Variants in NETO1 observed in about 807,000 individuals in gnomAD.
NETO1 encodes the protein neuropilin and tolloid like 1.
NETO1 carries 26 observed loss-of-function variants against 61.3 expected under a neutral mutation model. That is an observed-to-expected ratio of 0.42 (90% CI 0.31 to 0.59). The LOEUF (loss-of-function observed/expected upper bound fraction) is 0.59, where lower values mean the gene tolerates loss of function less well. NETO1 is among the 20% of genes least tolerant of loss of function. NETO1 has a pLI of 0.12. For missense variants in NETO1, 531 were observed against 662.8 expected (o/e 0.80, Z 2.18); for synonymous variants, 225 against 225.8 (o/e 1.00, Z 0.03).
chr18:72,836,541 C>T (rs2145435762), intron 4 of NETO1, among the ~76,000 whole-genome samples: 1 of 152,208 alleles, frequency 6.6e-6, no homozygotes, highest in East Asian at 1.9e-4. Flanking sequence ...AGAACAAGTA[C>T]ATAATATTTA....
chr18:72,784,154 C>T (rs79649717), intron 6 of NETO1, among the ~76,000 whole-genome samples: 13,242 of 152,062 alleles, frequency 0.087, 725 homozygotes, highest in Middle Eastern at 0.19. Context: ...TACCCAAATT[C>T]GCTTTATGTC....
At chr18:72,865,540 G>A (rs745787032) in intron 1 of NETO1, 1 of 1,599,770 alleles carries the variant, frequency 6.3e-7, no homozygotes. Flanking sequence ...ACAGTACAGT[G>A]GGACTACAGG....
chr18:72,748,326 A>G (rs918298418), intron 10 of NETO1, 162 bp from the exon 11 acceptor site: 6 of 982,498 alleles, frequency 6.1e-6, no homozygotes, highest in African/African-American at 1.7e-5. Context: ...AGCAGATTCA[A>G]TTGGAGACAA....
chr18:72,859,831 A>C (rs867942717), intron 3 of NETO1, among the ~76,000 whole-genome samples: 1 of 152,174 alleles, frequency 6.6e-6, no homozygotes, highest in African/African-American at 2.4e-5. Context: ...CTTGCTTTAA[A>C]GAAGCCTCCT....
chr18:72,770,213 G>T (rs2071308743), intron 7 of NETO1, among the ~76,000 whole-genome samples: 1 of 151,586 alleles, frequency 6.6e-6, no homozygotes, highest in African/African-American at 2.4e-5. Flanking sequence ...GCACATTTTG[G>T]CCCCATTTTC....
At chr18:72,829,237 C>T (rs530408363) in intron 4 of NETO1, among the ~76,000 whole-genome samples, 2 of 152,134 alleles carry the variant, frequency 1.3e-5, no homozygotes, top group East Asian at 1.9e-4. Context: ...TCTAAATAAG[C>T]GAATAATCAT....
chr18:72,791,662 A>G (rs2072123233), intron 6 of NETO1, among the ~76,000 whole-genome samples: 1 of 152,182 alleles, frequency 6.6e-6, no homozygotes, highest in Admixed American at 6.5e-5. Flanking sequence ...GTGCATTTAC[A>G]CTGTCATGAA....
intron 4 of NETO1, among the ~76,000 whole-genome samples, chr18:72,846,705 G>A (rs189586466): frequency 6.3e-4 from 96 of 151,856 alleles, no homozygotes; most frequent in Middle Eastern, 3.4e-3. Flanking sequence ...ATGATTATTA[G>A]GAGAAAGTCG....
In NETO1 at chr18:72,755,992, C is replaced by A. The variant is rs200197350; in HGVS notation, c.982+42G>T. The A allele has an allele frequency of 5.0e-5, 54 of 1,073,228 alleles. No individual in the cohort carries two copies. In the African/African-American group the frequency reaches 7.8e-4, roughly 15 times the overall value. 66.5% of individuals were successfully genotyped at this position (1,073,228 alleles called of 1,614,324 possible). A position where few individuals can be genotyped will look rare whatever the true frequency, so the allele number is the denominator to read the frequency against. On this transcript the variant is annotated intron_variant, in intron 8 of 10. Transcript: ENST00000327305. ...ACATATAAACTTCTACCCCACTCCA[C>A]AGGGAGGAAATTTTTTTCAAATTTC...
intron 4 of NETO1, among the ~76,000 whole-genome samples, chr18:72,799,309 C>T (rs1209239202): frequency 6.6e-6 from 1 of 152,166 alleles, no homozygotes; most frequent in Admixed American, 6.5e-5. Context: ...ACGAGTCTAC[C>T]AGTACTGACA....
At chr18:72,772,759 CTATATATATA>C (rs35617731) in intron 7 of NETO1, among the ~76,000 whole-genome samples, 1 of 102,320 alleles carries the variant, frequency 9.8e-6, no homozygotes, top group African/African-American at 3.6e-5. Flanking sequence ...CTATATATAT[CTATATATATA>C]TATATATACA....
chr18:72,743,186 C>T (rs555369392), downstream of NETO1, among the ~76,000 whole-genome samples: 27 of 152,244 alleles, frequency 1.8e-4, no homozygotes, highest in South Asian at 5.6e-3. Context: ...GATGTAAACT[C>T]AAACCTACTC....
Position 72,846,735 on chromosome 18 carries a change from T to G in NETO1, c.469+12091A>C, listed in dbSNP as rs550258993. On this transcript the variant is annotated intron_variant, in intron 4 of 10. Coordinates refer to ENST00000327305, the MANE Select transcript of NETO1 (RefSeq NM_138966.5). ...AAGTCGTGTGCACGTGCAAAAAAGC[T>G]AGAAATAATTTTCCCACCAGTTAAC... 2.6e-5 allele frequency among the ~76,000 whole-genome samples: 4 copies of G among 152,268 alleles called. No individual in the cohort carries two copies. The East Asian group carries it at 7.7e-4, about 29-fold the overall frequency.
chr18:72,762,386 AT>A (rs1240676765), intron 7 of NETO1, among the ~76,000 whole-genome samples: 1 of 152,188 alleles, frequency 6.6e-6, no homozygotes, highest in Non-Finnish European at 1.5e-5. Context: ...TATGTAAATT[AT>A]TTCAGAAATG....
intron 6 of NETO1, among the ~76,000 whole-genome samples, chr18:72,791,046 C>A (rs1241596958): frequency 1.3e-5 from 2 of 152,100 alleles, no homozygotes; most frequent in African/African-American, 4.8e-5. Flanking sequence ...ATTGCATTAT[C>A]CTGACTCAGT....
At chr18:72,837,325 T>C (rs2073782478) in intron 4 of NETO1, among the ~76,000 whole-genome samples, 1 of 152,140 alleles carries the variant, frequency 6.6e-6, no homozygotes, top group African/African-American at 2.4e-5. Context: ...CCATAGAAAA[T>C]GCAGTAAGAT....
chr18:72,819,274 A>G (rs765022466), intron 4 of NETO1, among the ~76,000 whole-genome samples: 18 of 152,148 alleles, frequency 1.2e-4, no homozygotes, highest in Non-Finnish European at 2.1e-4. Flanking sequence ...CTATGTAATT[A>G]TTCAGGAAAA....
intron 9 of NETO1, among the ~76,000 whole-genome samples, chr18:72,749,550 T>C (rs2070522693): frequency 6.6e-6 from 1 of 152,092 alleles, no homozygotes; most frequent in Non-Finnish European, 1.5e-5. Context: ...TATTATGTAA[T>C]ATGTGAAAGA....
At chr18:72,774,448 C>A (rs1337768631) in intron 7 of NETO1, among the ~76,000 whole-genome samples, 3 of 152,102 alleles carry the variant, frequency 2.0e-5, no homozygotes, top group South Asian at 2.1e-4. Flanking sequence ...TAAATATAAT[C>A]ATTCCTTTAA....
Sources: gnomAD v4.1 joint callset for allele counts (sites outside exome capture counted in the v4.1 genomes callset) on GRCh38, gnomAD v4.1.1 for gene constraint, MANE v1.5 for transcripts, NCBI Gene and HGNC (gene_info 2026-07-23, HGNC 2026-07-21) for gene names.